GGT7: variants seen among roughly 807,000 people sequenced by gnomAD.
The protein encoded by GGT7 is gamma-glutamyltransferase 7, also known as glutathione hydrolase 7.
Under a neutral mutation model 69.2 loss-of-function variants are expected in GGT7, and 30 were observed. The ratio of observed to expected loss-of-function variants is 0.43; its 90% CI spans 0.32 to 0.59. The LOEUF (loss-of-function observed/expected upper bound fraction) is 0.59, where lower values mean the gene tolerates loss of function less well. GGT7 is among the 20% of genes least tolerant of loss of function. The pLI, the probability that GGT7 is intolerant of heterozygous loss-of-function variation, is 0.05. For synonymous variants in GGT7, 388 were observed against 391.8 expected, an observed-to-expected ratio of 0.99 and a Z score of 0.12; for missense variants, 733 against 901.1, an observed-to-expected ratio of 0.81 and a Z score of 2.39.
chr20:34,855,789 CTGTGTGTGTGTG>C (rs3138662), intron 8 of GGT7, among the ~76,000 whole-genome samples: 11 of 144,060 alleles, frequency 7.6e-5, no homozygotes, highest in African/African-American at 2.9e-4. Context: ...TTTTTCTTTT[CTGTGTGTGTGTG>C]TGTGTGTGTG....
intron 6 of GGT7, 78 bp from the exon 7 acceptor site, chr20:34,859,717 A>C (rs185904609): frequency 5.1e-5 from 63 of 1,235,348 alleles, no homozygotes; most frequent in Non-Finnish European, 6.4e-5. Context: ...GATGGGGTAG[A>C]TGGGGGCTGA....
Position 34,850,870 on chromosome 20 carries a change from C to A in GGT7, c.1725+361G>T, listed in dbSNP as rs372202394. On this transcript the variant is annotated intron_variant, in intron 13 of 14. Transcript: ENST00000336431. The stretch of plus-strand genomic sequence containing the variant: ...GAGGTGTTCTGGAGAAAAGCAGGCC[C>A]TTCCTTTCAAATCCCACCCTAAAGA... 1.4e-5 allele frequency: 8 copies of A among 575,390 alleles called. No individual in the cohort carries two copies. In the African/African-American group the frequency reaches 1.5e-4, roughly 11 times the overall value. 35.6% of individuals were successfully genotyped at this position (575,390 alleles called of 1,614,324 possible).
At chr20:34,864,491 C>T (rs1229668963) in intron 1 of GGT7, among the ~76,000 whole-genome samples, 2 of 151,946 alleles carry the variant, frequency 1.3e-5, no homozygotes, top group Non-Finnish European at 2.9e-5. Context: ...GGGGCCGAGG[C>T]GGGTGGATCA....
intron 14 of GGT7, among the ~76,000 whole-genome samples, chr20:34,848,849 T>C (rs1485020364): frequency 6.6e-6 from 1 of 152,248 alleles, no homozygotes; most frequent in Non-Finnish European, 1.5e-5. Context: ...TTCTGTATTC[T>C]TTTGGACTCG....
rs1316909020 is a variant in GGT7, at chr20:34,856,912, G to A, written c.1015-19C>T. On this transcript the variant is annotated intron_variant, in intron 7 of 14. Coordinates refer to ENST00000336431, the MANE Select transcript of GGT7 (RefSeq NM_178026.3). ...GCTGAGCCTGGAGGGAAGAGAATGA[G>A]GGAATGACCTCCCACCACTGTGACA... 2 of 1,466,908 alleles carry A rather than the reference G, an allele frequency of 1.4e-6. No homozygotes were observed. Among genetic ancestry groups the A allele is most frequent in the East Asian group, 2.3e-5 (1 of 44,016 alleles). 90.9% of individuals were successfully genotyped at this position (1,466,908 alleles called of 1,614,324 possible).
Position 34,852,164 on chromosome 20 carries a change from T to C in GGT7, c.1578A>G (p.Ala526=). 2.5e-6 allele frequency: 4 copies of C among 1,604,768 alleles called. No homozygotes were observed. The highest frequency in any genetic ancestry group is 3.4e-6 in the Non-Finnish European group (4 of 1,171,460). ...SWPNRTANHS[A]PSLENSVQPG... is the part of the protein sequence containing the mutation. The stretch of plus-strand genomic sequence containing the variant: ...GGGAAGCAAATCCTACCAGGCTGGG[T>C]GCAGAGTGGTTAGCTGTCCGGTTGG... The change falls in exon 12 of 15, where the codon GCA becomes GCG. Residue 526 remains alanine, a synonymous_variant. Coordinates refer to ENST00000336431, the MANE Select transcript of GGT7 (RefSeq NM_178026.3).
At chr20:34,865,896 T>A (rs565788178) in intron 1 of GGT7, among the ~76,000 whole-genome samples, 2 of 152,258 alleles carry the variant, frequency 1.3e-5, no homozygotes, top group Non-Finnish European at 2.9e-5. Context: ...CTTGACCTCA[T>A]GCTGTACTCA....
Position 34,854,634 on chromosome 20 carries a change from G to T in GGT7, c.1231-15C>A. On this transcript the variant is annotated splice_polypyrimidine_tract_variant and intron_variant, in intron 9 of 14. Coordinates refer to ENST00000336431, the MANE Select transcript of GGT7 (RefSeq NM_178026.3). ...ATCTTCAGGGTCTGAAAATACAGCAGGGATATGGAAGAGGCTGCCAGGCCC... is the reference window on the plus strand; with the variant it reads ...ATCTTCAGGGTCTGAAAATACAGCATGGATATGGAAGAGGCTGCCAGGCCC... 6.2e-7 allele frequency: 1 copy of T among 1,601,896 alleles called. No homozygotes were observed. The highest frequency in any genetic ancestry group is 1.1e-5 in the South Asian group (1 of 90,618).
chr20:34,845,195 G>C lies in GGT7; in HGVS notation c.*133C>G. On this transcript the variant is annotated 3_prime_UTR_variant, in exon 15 of 15. Transcript: ENST00000336431. ...GAATTTTCCAGTTACTCTGGGATTGGGTTTGCTAAGCATCCCCTCTGGCCC... is the reference window on the plus strand; with the variant it reads ...GAATTTTCCAGTTACTCTGGGATTGCGTTTGCTAAGCATCCCCTCTGGCCC... 1.5e-6 allele frequency: 1 copy of C among 661,132 alleles called. No homozygotes were observed. Among genetic ancestry groups the C allele is most frequent in the Non-Finnish European group, 2.4e-6 (1 of 419,140 alleles). 41.0% of individuals were successfully genotyped at this position (661,132 alleles called of 1,614,324 possible).
At position 34,872,839 on chromosome 20, in the gene GGT7, G is replaced by A; in HGVS notation, c.-24C>T. The A allele has an allele frequency of 7.6e-7, 1 of 1,322,680 alleles. No homozygotes were observed. Among genetic ancestry groups the A allele is most frequent in the South Asian group, 2.1e-5 (1 of 48,458 alleles). The allele number at this position is 1,322,680 out of a possible 1,614,324, so 81.9% of individuals were successfully genotyped here. The stretch of plus-strand genomic sequence containing the variant: ...ATCCTCGCCCGCGCCCCCCAGCAGC[G>A]CAGCGCCTGCCGGAAGTGGCTGCGG... On this transcript the variant is annotated 5_prime_UTR_variant, in exon 1 of 15. Transcript: ENST00000336431.
At chr20:34,860,143 G>T in intron 5 of GGT7, 101 bp from the exon 6 acceptor site, 1 of 1,017,804 alleles carries the variant, frequency 9.8e-7, no homozygotes. Context: ...GGCAAGGGAA[G>T]GGGATATTAG....
At position 34,854,952 on chromosome 20, in the gene GGT7, G is replaced by GGGTA. The variant is rs913158309; in HGVS notation, c.1103-33_1103-30dup. 3.1e-6 allele frequency: 5 copies of GGGTA among 1,610,070 alleles called. No homozygotes were observed. In the Admixed American group the frequency reaches 6.7e-5, roughly 22 times the overall value. On this transcript the variant is annotated intron_variant, in intron 8 of 14. Coordinates refer to ENST00000336431, the MANE Select transcript of GGT7 (RefSeq NM_178026.3). ...AAAGGACAGGAAGTGACTGATGGCA[G>GGGTA]GGTAGGGGTCAAGGCACCTTCACAT...
chr20:34,853,910 C>T (rs958327220), intron 10 of GGT7, among the ~76,000 whole-genome samples: 1 of 152,192 alleles, frequency 6.6e-6, no homozygotes, highest in African/African-American at 2.4e-5. Flanking sequence ...TGTATTACCA[C>T]CACCTTCAGT....
At chr20:34,849,442 G>A (rs1203825772) in intron 14 of GGT7, among the ~76,000 whole-genome samples, 1 of 152,070 alleles carries the variant, frequency 6.6e-6, no homozygotes, top group African/African-American at 2.4e-5. Flanking sequence ...TGGGATTATA[G>A]GTCTGAGCCA....
intron 8 of GGT7, among the ~76,000 whole-genome samples, chr20:34,855,621 C>T (rs967177436): frequency 6.6e-6 from 1 of 152,116 alleles, no homozygotes; most frequent in Non-Finnish European, 1.5e-5. Flanking sequence ...TACATCATCT[C>T]ATCAAATCCT....
At position 34,844,990 on chromosome 20, in the gene GGT7, G is replaced by A. The variant is rs1410832983; in HGVS notation, c.*338C>T. 2 of 292,126 alleles carry A rather than the reference G, an allele frequency of 6.8e-6. No individual in the cohort carries two copies. Among genetic ancestry groups the A allele is most frequent in the Admixed American group, 9.5e-5 (2 of 20,958 alleles). The allele number at this position is 292,126 out of a possible 1,614,324, so 18.1% of individuals were successfully genotyped here. The stretch of plus-strand genomic sequence containing the variant: ...GTTGGGGTTGTGAGACCCTTGAGAA[G>A]GGTTTGCAAGCACATCCCTAAGCTC... On this transcript the variant is annotated 3_prime_UTR_variant, in exon 15 of 15. Coordinates refer to ENST00000336431, the MANE Select transcript of GGT7 (RefSeq NM_178026.3).
rs1024543167 is a variant in GGT7, at chr20:34,856,932, G to A, written c.1015-39C>T. The A allele has an allele frequency of 8.7e-6, 11 of 1,257,622 alleles. 1 individual carries two copies. The Middle Eastern group carries it at 7.4e-4, about 84-fold the overall frequency. 77.9% of individuals were successfully genotyped at this position (1,257,622 alleles called of 1,614,324 possible). A position where few individuals can be genotyped will look rare whatever the true frequency, so the allele number is the denominator to read the frequency against. Reference sequence around the variant, plus strand: ...AATGAGGGAATGACCTCCCACCACTGTGACATGGTGGTTTTGGCCTATAAC... The same window carrying A: ...AATGAGGGAATGACCTCCCACCACTATGACATGGTGGTTTTGGCCTATAAC... On this transcript the variant is annotated intron_variant, in intron 7 of 14. Transcript: ENST00000336431.
In GGT7 at chr20:34,872,826, GC is replaced by G. The variant is rs1422180650; in HGVS notation, c.-12del. 5 of 1,337,106 alleles carry G rather than the reference GC, an allele frequency of 3.7e-6. No homozygotes were observed. The highest frequency in any genetic ancestry group is 1.9e-5 in the South Asian group (1 of 51,802). The allele number at this position is 1,337,106 out of a possible 1,614,324, so 82.8% of individuals were successfully genotyped here. On this transcript the variant is annotated 5_prime_UTR_variant, in exon 1 of 15. Coordinates refer to ENST00000336431, the MANE Select transcript of GGT7 (RefSeq NM_178026.3). The stretch of plus-strand genomic sequence containing the variant: ...GTTCTCCGCCGCCATCCTCGCCCGC[GC>G]CCCCCAGCAGCGCAGCGCCTGCCGG...
chr20:34,851,429 C>CTT, intron 12 of GGT7, 61 bp from the exon 13 acceptor site: 2 of 1,523,176 alleles, frequency 1.3e-6, no homozygotes, highest in Non-Finnish European at 8.9e-7. Context: ...CGGGAAAGGG[C>CTT]CCCTCCACAA....
Sources: gnomAD v4.1 joint callset for allele counts (sites outside exome capture counted in the v4.1 genomes callset) on GRCh38, gnomAD v4.1.1 for gene constraint, MANE v1.5 for transcripts, NCBI Gene and HGNC (gene_info 2026-07-23, HGNC 2026-07-21) for gene names.